LRP2BP: variants seen among roughly 807,000 people sequenced by gnomAD.
The protein encoded by LRP2BP is LRP2-binding protein.
A neutral mutation model predicts 45.2 loss-of-function variants in LRP2BP; 38 were observed. That is an observed-to-expected ratio of 0.84 (90% CI 0.65 to 1.10). The LOEUF is 1.10. Ranked by LOEUF, LRP2BP falls within the 50% of genes least tolerant of loss-of-function variation. LRP2BP has a pLI of 0.00. For synonymous variants in LRP2BP, 153 were observed against 153.9 expected (o/e 0.99, Z 0.04); for missense variants, 385 against 418.9 (o/e 0.92, Z 0.71).
At chr4:185,393,294 C>T (rs190426644) in intron 1 of LRP2BP, among the ~76,000 whole-genome samples, 1 of 152,156 alleles carries the variant, frequency 6.6e-6, no homozygotes, top group Admixed American at 6.5e-5. Flanking sequence ...CATTACTAAA[C>T]ATATACAATC....
intron 2 of LRP2BP, 126 bp from the exon 3 acceptor site, chr4:185,377,144 A>C (rs775848760): frequency 9.8e-6 from 7 of 712,792 alleles, no homozygotes; most frequent in Non-Finnish European, 1.7e-5. Flanking sequence ...CATTCCTACA[A>C]CTGGCCTCCT....
Position 185,395,808 on chromosome 4 carries a change from C to T in LRP2BP, c.-1051G>A. 2.0e-6 allele frequency: 2 copies of T among 985,310 alleles called. No individual in the cohort carries two copies. Among genetic ancestry groups the T allele is most frequent in the African/African-American group, 1.7e-5 (1 of 57,344 alleles). The allele number at this position is 985,310 out of a possible 1,614,324, so 61.0% of individuals were successfully genotyped here. A position where few individuals can be genotyped will look rare whatever the true frequency, so the allele number is the denominator to read the frequency against. The stretch of plus-strand genomic sequence containing the variant: ...ATAACAATAAACGTATTTATTTCTC[C>T]GAGCTTTCAAAGGCATCAACAGAAG... On this transcript the variant is annotated 5_prime_UTR_variant, in exon 1 of 9. Transcript: ENST00000505916.
In LRP2BP at chr4:185,379,116, A is replaced by G. The variant is rs557638245; in HGVS notation, c.-21-909T>C. On this transcript the variant is annotated intron_variant, in intron 1 of 8. Coordinates refer to ENST00000505916, the MANE Select transcript of LRP2BP (RefSeq NM_001377440.1). Reference sequence around the variant, plus strand: ...TTTGGAAGAGTCATTTAATCTTTTTAAGAGTCAATTTCCTCATCTTTAAGT... The same window carrying G: ...TTTGGAAGAGTCATTTAATCTTTTTGAGAGTCAATTTCCTCATCTTTAAGT... The G allele has an allele frequency of 1.8e-4, 64 of 348,238 alleles. No individual in the cohort carries two copies. The South Asian group carries it at 7.0e-3, about 38-fold the overall frequency. The allele number at this position is 348,238 out of a possible 1,614,324, so 21.6% of individuals were successfully genotyped here. A position where few individuals can be genotyped will look rare whatever the true frequency, so the allele number is the denominator to read the frequency against.
chr4:185,396,593 T>G, upstream of LRP2BP: 1 of 327,076 alleles, frequency 3.1e-6, no homozygotes, highest in Non-Finnish European at 5.6e-6. Context: ...CGCCCCGAGG[T>G]GGGAGGGCCT....
Position 185,378,092 on chromosome 4 carries a change from T to G in LRP2BP, c.95A>C (p.Lys32Thr), listed in dbSNP as rs1166850710. 2 of 1,612,674 alleles carry G rather than the reference T, an allele frequency of 1.2e-6. No individual in the cohort carries two copies. The highest frequency in any genetic ancestry group is 8.5e-7 in the Non-Finnish European group (1 of 1,179,036). ...ATCAGGATTTGTACCAGTCTTTTCC[T>G]TTTTCCACTGGAAAAATTTTTGGTT... ...AKNQKFFQWK[K>T]EKTDYTHANL... Residue 32 changes from lysine to threonine, a missense_variant, in exon 2 of 9, where the codon AAG becomes ACG. By Grantham distance (78) the Lys-to-Thr change is moderately conservative (BLOSUM62 -1). Transcript: ENST00000505916.
At chr4:185,367,901 C>T (rs1236785224) in intron 8 of LRP2BP, among the ~76,000 whole-genome samples, 5 of 152,116 alleles carry the variant, frequency 3.3e-5, no homozygotes, top group African/African-American at 7.2e-5. Flanking sequence ...CCCTTATGGC[C>T]GGGCGCGGTA....
Position 185,377,018 on chromosome 4 carries a change from T to C in LRP2BP, c.107A>G (p.Asp36Gly), listed in dbSNP as rs1250822066. 6.2e-7 allele frequency: 1 copy of C among 1,601,956 alleles called. No homozygotes were observed. Among genetic ancestry groups the C allele is most frequent in the Non-Finnish European group, 8.6e-7 (1 of 1,168,978 alleles). Residue 36 changes from aspartate to glycine, a missense_variant and splice_region_variant, in exon 3 of 9, where the codon GAT (aspartate) becomes GGT (glycine). Coordinates refer to ENST00000505916, the MANE Select transcript of LRP2BP (RefSeq NM_001377440.1). ...KFFQWKKEKT[D>G]YTHANLVDKA... ...ATCCACCAAATTAGCATGGGTGTAA[T>C]CTGATTTTAAAAAGGTAAGGAATTC... is the stretch of plus-strand genomic sequence containing the variant.
Position 185,374,028 on chromosome 4 carries a change from CT to C in LRP2BP, c.579+106del. 3 of 884,970 alleles carry C rather than the reference CT, an allele frequency of 3.4e-6. No individual in the cohort carries two copies. The South Asian group carries it at 5.1e-5, about 15-fold the overall frequency. The allele number at this position is 884,970 out of a possible 1,614,324, so 54.8% of individuals were successfully genotyped here. A position where few individuals can be genotyped will look rare whatever the true frequency, so the allele number is the denominator to read the frequency against. ...TATGCTTTCTTTACATTTAAAGGAA[CT>C]ATAAGAGATATTTAAAACGACATTC... On this transcript the variant is annotated intron_variant, in intron 6 of 8. Coordinates refer to ENST00000505916, the MANE Select transcript of LRP2BP (RefSeq NM_001377440.1).
In LRP2BP at chr4:185,395,423, T is replaced by C. The variant is rs2095499257; in HGVS notation, c.-666A>G. The C allele has an allele frequency of 1.1e-5, 11 of 985,448 alleles. No homozygotes were observed. Among genetic ancestry groups the C allele is most frequent in the Non-Finnish European group, 1.3e-5 (11 of 829,920 alleles). The allele number at this position is 985,448 out of a possible 1,614,324, so 61.0% of individuals were successfully genotyped here. On this transcript the variant is annotated 5_prime_UTR_variant, in exon 1 of 9. Transcript: ENST00000505916. ...AAACCTGAAGCTTCAACACGTGTTT[T>C]AAAAAGCAGTGCTTATTGAATTGAT...
chr4:185,363,950 T>G lies in LRP2BP; in HGVS notation c.*3230A>C, dbSNP rs2095377511. On this transcript the variant is annotated 3_prime_UTR_variant, in exon 9 of 9. Coordinates refer to ENST00000505916, the MANE Select transcript of LRP2BP (RefSeq NM_001377440.1). This position sits in a 1 kb window ranked among gnomAD's most constrained non-coding sequence, Gnocchi z 4.2. ...CCCATAGTTTGAGCATTCAAAGCAA[T>G]AAAATATAAAAATGAATCACAGTGC... 1 of 153,650 alleles carries G rather than the reference T, an allele frequency of 6.5e-6. No homozygotes were observed. The highest frequency in any genetic ancestry group is 2.4e-5 in the African/African-American group (1 of 41,430). 9.5% of individuals were successfully genotyped at this position (153,650 alleles called of 1,614,324 possible).
At chr4:185,373,371 A>G (rs1465490089) in intron 6 of LRP2BP, among the ~76,000 whole-genome samples, 2 of 152,166 alleles carry the variant, frequency 1.3e-5, no homozygotes, top group African/African-American at 4.8e-5. Flanking sequence ...CAGAGTAAGG[A>G]TCAGGAAGAT....
chr4:185,371,368 T>C (rs1182983044), intron 7 of LRP2BP, among the ~76,000 whole-genome samples: 2 of 151,594 alleles, frequency 1.3e-5, no homozygotes, highest in East Asian at 3.9e-4. Context: ...TGAAACCCCG[T>C]CTCTACTAAA....
intron 2 of LRP2BP, chr4:185,377,379 G>A (rs1189708102): frequency 1.0e-5 from 2 of 195,062 alleles, no homozygotes; most frequent in South Asian, 1.1e-4. Flanking sequence ...TTAGCAGGGC[G>A]TGGTGGTGCA....
intron 1 of LRP2BP, among the ~76,000 whole-genome samples, chr4:185,389,462 A>G (rs1156482563): frequency 6.6e-6 from 1 of 151,310 alleles, no homozygotes; most frequent in Non-Finnish European, 1.5e-5. Flanking sequence ...CGCCCACCTC[A>G]GCCTCCCAAA....
chr4:185,369,375 GCCTGGCTAATTTTA>G (rs1561073362), intron 8 of LRP2BP, among the ~76,000 whole-genome samples: 66 of 91,342 alleles, frequency 7.2e-4, no homozygotes, highest in African/African-American at 3.1e-3. Flanking sequence ...ACATTGCCAT[GCCTGGCTAATTTTA>G]TTTTTCAGTA....
upstream of LRP2BP, chr4:185,395,956 CG>C: frequency 1.0e-6 from 1 of 962,396 alleles, no homozygotes; most frequent in Non-Finnish European, 1.2e-6. Flanking sequence ...TAGCTGCCAT[CG>C]GAAGTCAGGT....
At chr4:185,388,119 C>G (rs2095477007) in intron 1 of LRP2BP, among the ~76,000 whole-genome samples, 1 of 152,122 alleles carries the variant, frequency 6.6e-6, no homozygotes, top group Non-Finnish European at 1.5e-5. Context: ...AGCTAGAAAC[C>G]CAGATGATGG....
chr4:185,367,851 G>GT (rs2095395545), intron 8 of LRP2BP, among the ~76,000 whole-genome samples: 1 of 152,128 alleles, frequency 6.6e-6, no homozygotes, highest in Non-Finnish European at 1.5e-5. Flanking sequence ...GAAAACTTGT[G>GT]TTTTTCTTTG....
chr4:185,388,464 A>C (rs369152686), intron 1 of LRP2BP, among the ~76,000 whole-genome samples: 4 of 4,492 alleles, frequency 8.9e-4, no homozygotes, highest in Non-Finnish European at 6.0e-4. Flanking sequence ...TACCTACCTA[A>C]CCTGCCTAAC....
Sources: gnomAD v4.1 joint callset for allele counts (sites outside exome capture counted in the v4.1 genomes callset) on GRCh38, gnomAD v4.1.1 for gene constraint, Gnocchi (gnomAD v3.1) non-coding constraint, MANE v1.5 for transcripts, NCBI Gene and HGNC (gene_info 2026-07-23, HGNC 2026-07-21) for gene names.